USP45: variants seen among roughly 807,000 people sequenced by gnomAD.
USP45 encodes ubiquitin specific peptidase 45.
A neutral mutation model predicts 95.8 loss-of-function variants in USP45; 89 were observed. That is an observed-to-expected ratio of 0.93 (90% CI 0.78 to 1.11). The LOEUF is 1.11. Among genes scored for constraint, USP45 ranks in the 50% least tolerant of loss-of-function variants. The pLI, the probability that USP45 is intolerant of heterozygous loss-of-function variation, is 0.00. For synonymous variants in USP45, 281 were observed against 316.2 expected (o/e 0.89, Z 1.18); for missense variants, 898 against 942.5 (o/e 0.95, Z 0.62).
chr6:99,515,937 G>C (rs1801065712), upstream of USP45, among the ~76,000 whole-genome samples: 1 of 151,966 alleles, frequency 6.6e-6, no homozygotes, highest in African/African-American at 2.4e-5. Flanking sequence ...ATCACGCCCG[G>C]CTAATTTTTT....
At chr6:99,509,993 A>T (rs1799422631) in intron 2 of USP45, 128 bp downstream of exon 2, 1 of 700,370 alleles carries the variant, frequency 1.4e-6, no homozygotes, top group Non-Finnish European at 2.5e-6. Flanking sequence ...TGTATTTTCC[A>T]TCTAGGTTTG....
chr6:99,435,834 G>A lies in USP45; in HGVS notation c.2327C>T (p.Ala776Val). The A allele has an allele frequency of 6.2e-7, 1 of 1,610,860 alleles. No individual in the cohort carries two copies. Among genetic ancestry groups the A allele is most frequent in the Non-Finnish European group, 8.5e-7 (1 of 1,178,880 alleles). ...CCACTGGCCTGCTGATTCATTATCA[G>A]CCGCTTTCAAACCTAGCAAAACAAA... ...KKKNVPGLKA[A>V]DNESAGQWVH... Residue 776 changes from alanine to valine, a missense_variant, in exon 18 of 18, where the codon GCT becomes GTT. Physicochemically the swap from Ala to Val is moderately conservative, Grantham distance 64. Transcript: ENST00000500704.
At chr6:99,486,044 T>A (rs1793790546) in intron 7 of USP45, among the ~76,000 whole-genome samples, 1 of 152,232 alleles carries the variant, frequency 6.6e-6, no homozygotes, top group Admixed American at 6.5e-5. Flanking sequence ...GAAGGCTGAA[T>A]GTTTGTTCCC....
chr6:99,482,789 A>G lies in USP45; in HGVS notation c.809T>C (p.Leu270Pro). The change falls in exon 8 of 18, where the codon CTT becomes CCT. Residue 270 changes from leucine to proline, a missense_variant. Leu to Pro is a moderately conservative substitution (Grantham distance 98). Coordinates refer to ENST00000500704, the MANE Select transcript of USP45 (RefSeq NM_001346022.3). ...HSMKETEKGP[L>P]SPKVLFNQLC... ...CTGATTAAAAAGAACTTTAGGAGAA[A>G]GTGGTCCTTTTTCAGTCTCCTTCAT... The G allele has an allele frequency of 6.2e-7, 1 of 1,606,178 alleles. No homozygotes were observed. The highest frequency in any genetic ancestry group is 8.5e-7 in the Non-Finnish European group (1 of 1,175,738).
chr6:99,488,269 A>G lies in USP45; in HGVS notation c.645T>C (p.Thr215=). 1.2e-6 allele frequency: 2 copies of G among 1,611,800 alleles called. No homozygotes were observed. Among genetic ancestry groups the G allele is most frequent in the Non-Finnish European group, 1.7e-6 (2 of 1,179,296 alleles). The change falls in exon 7 of 18, where the codon ACT becomes ACC. Residue 215 remains threonine, a synonymous_variant. Coordinates refer to ENST00000500704, the MANE Select transcript of USP45 (RefSeq NM_001346022.3). ...TTTCTTTGATCTCATTCATCAGATC[A>G]GTAAGAGTATAAGTCTGTGCCAAGT... is the stretch of plus-strand genomic sequence containing the variant. ...MQNLAQTYTL[T]DLMNEIKESS... is the part of the protein sequence containing the mutation.
chr6:99,510,252 A>T (rs1245550008), intron 1 of USP45, 22 bp from the exon 2 acceptor site: 1 of 1,549,790 alleles, frequency 6.5e-7, no homozygotes, highest in African/African-American at 1.4e-5. Flanking sequence ...GAGGGAAAAA[A>T]ATTCATACAT....
Position 99,435,865 on chromosome 6 carries a change from G to A in USP45, c.2315-19C>T. 6.3e-7 allele frequency: 1 copy of A among 1,598,924 alleles called. No homozygotes were observed. The highest frequency in any genetic ancestry group is 8.5e-7 in the Non-Finnish European group (1 of 1,173,708). ...TTCAAACCTAGCAAAACAAAAAGAAGTACAATTTTAAAGTAAGTATGCTTT... is the reference window on the plus strand; with the variant it reads ...TTCAAACCTAGCAAAACAAAAAGAAATACAATTTTAAAGTAAGTATGCTTT... On this transcript the variant is annotated intron_variant, in intron 17 of 17. Coordinates refer to ENST00000500704, the MANE Select transcript of USP45 (RefSeq NM_001346022.3).
intron 9 of USP45, 120 bp downstream of exon 9, chr6:99,476,023 G>T (rs11154875): frequency 0.17 from 135,496 of 783,252 alleles, 14,603 homozygotes; most frequent in Non-Finnish European, 0.21. Flanking sequence ...CACTATGTTG[G>T]CTAGGCTGGT....
At chr6:99,516,951 T>C (rs193200703), upstream of USP45, among the ~76,000 whole-genome samples, 9 of 152,280 alleles carry the variant, frequency 5.9e-5, no homozygotes, top group East Asian at 1.7e-3. Flanking sequence ...AGAAAAAAAT[T>C]AGAAATTATC....
intron 1 of USP45, among the ~76,000 whole-genome samples, chr6:99,510,652 A>G (rs181319816): frequency 6.6e-6 from 1 of 152,256 alleles, no homozygotes; most frequent in Non-Finnish European, 1.5e-5. Flanking sequence ...GGCCATCTAT[A>G]AACCAGGAAG....
At chr6:99,514,471 T>C (rs376295287) in intron 1 of USP45, among the ~76,000 whole-genome samples, 1 of 152,176 alleles carries the variant, frequency 6.6e-6, no homozygotes, top group East Asian at 1.9e-4. Context: ...ATAGCAGTCT[T>C]AAGGCCTGCT....
chr6:99,454,908 GA>G (rs1375262888), intron 13 of USP45, among the ~76,000 whole-genome samples: 1 of 151,582 alleles, frequency 6.6e-6, no homozygotes, highest in East Asian at 1.9e-4. Context: ...CCAACATGGT[GA>G]AAACCCTGTC....
upstream of USP45, among the ~76,000 whole-genome samples, chr6:99,515,767 ACT>A (rs1491369638): frequency 1.9e-5 from 2 of 106,596 alleles, no homozygotes; most frequent in Non-Finnish European, 3.5e-5. Flanking sequence ...CCTCCTCTGA[ACT>A]CTTTTTTTTT....
At chr6:99,494,344 A>G (rs1253810910) in intron 5 of USP45, among the ~76,000 whole-genome samples, 1 of 152,222 alleles carries the variant, frequency 6.6e-6, no homozygotes, top group African/African-American at 2.4e-5. Context: ...AAGCTCTTGT[A>G]CATCTCTGTA....
At chr6:99,517,442 TG>T (rs1164116679), upstream of USP45, among the ~76,000 whole-genome samples, 1 of 150,768 alleles carries the variant, frequency 6.6e-6, no homozygotes, top group Non-Finnish European at 1.5e-5. Flanking sequence ...TTCCTTTTTT[TG>T]TTTTTTTTTG....
At chr6:99,456,441 T>A (rs566706946) in intron 13 of USP45, among the ~76,000 whole-genome samples, 4 of 152,284 alleles carry the variant, frequency 2.6e-5, no homozygotes, top group African/African-American at 9.6e-5. Context: ...CTGTGGGAAG[T>A]CAGGGACCCC....
At chr6:99,472,347 C>CCATCT (rs1789633374) in intron 9 of USP45, among the ~76,000 whole-genome samples, 1 of 151,722 alleles carries the variant, frequency 6.6e-6, no homozygotes, top group Non-Finnish European at 1.5e-5. Context: ...TCCTGAGTAG[C>CCATCT]CAGGATTACA....
intron 7 of USP45, among the ~76,000 whole-genome samples, chr6:99,484,477 C>T (rs1031482046): frequency 2.1e-4 from 32 of 151,990 alleles, no homozygotes; most frequent in Non-Finnish European, 3.1e-4. Flanking sequence ...CCATGGTGCT[C>T]GGCCTTCCAT....
intron 6 of USP45, 99 bp from the exon 7 acceptor site, chr6:99,488,394 C>A: frequency 1.2e-6 from 1 of 801,346 alleles, no homozygotes; most frequent in South Asian, 1.9e-5. Flanking sequence ...GCAAAAGTGT[C>A]TATTTCAAAA....
Sources: allele counts gnomAD v4.1 joint callset (sites outside exome capture counted in the v4.1 genomes callset), GRCh38; gene constraint gnomAD v4.1.1; transcripts MANE v1.5; gene names NCBI Gene and HGNC (gene_info 2026-07-23, HGNC 2026-07-21).